SNX29: variants seen among roughly 807,000 people sequenced by gnomAD.
SNX29 encodes sorting nexin-29.
SNX29 carries 78 observed loss-of-function variants against 102.1 expected under a neutral mutation model. The ratio of observed to expected loss-of-function variants is 0.76; its 90% confidence interval spans 0.64 to 0.92. The LOEUF is 0.92. SNX29 is among the 40% of genes least tolerant of loss of function. SNX29 has a pLI of 0.00. For missense variants in SNX29, 1,280 were observed against 1,061.7 expected (o/e 1.21, Z -2.86); for synonymous variants, 580 against 414.5 (o/e 1.40, Z -4.85).
chr16:12,121,090 A>T (rs1431286652), intron 11 of SNX29, among the ~76,000 whole-genome samples: 1 of 152,008 alleles, frequency 6.6e-6, no homozygotes, highest in African/African-American at 2.4e-5. Context: ...TACGCATCTT[A>T]CCTTTGATCA....
At chr16:12,544,420 G>A (rs546231225) in intron 20 of SNX29, among the ~76,000 whole-genome samples, 8 of 152,188 alleles carry the variant, frequency 5.3e-5, no homozygotes, top group Admixed American at 4.6e-4. Flanking sequence ...ATGTCAGCTG[G>A]TGGGATTTGG....
intron 18 of SNX29, among the ~76,000 whole-genome samples, chr16:12,447,801 G>A (rs1425323278): frequency 6.6e-6 from 1 of 152,186 alleles, no homozygotes; most frequent in Non-Finnish European, 1.5e-5. Flanking sequence ...ACAAAAGCGG[G>A]AACAGCCCCA....
intron 3 of SNX29, among the ~76,000 whole-genome samples, chr16:12,017,396 TGA>T: frequency 6.6e-6 from 1 of 152,352 alleles, no homozygotes; most frequent in South Asian, 2.1e-4. Flanking sequence ...TTTTATTTTT[TGA>T]GTTGCTTGTC....
intron 15 of SNX29, among the ~76,000 whole-genome samples, chr16:12,330,717 C>T (rs1413543414): frequency 6.6e-6 from 1 of 152,200 alleles, no homozygotes; most frequent in African/African-American, 2.4e-5. Context: ...TGGCAGGTTT[C>T]AGGGCTGAGG....
At chr16:12,540,252 C>T (rs1441664351) in intron 20 of SNX29, among the ~76,000 whole-genome samples, 2 of 152,154 alleles carry the variant, frequency 1.3e-5, no homozygotes, top group Admixed American at 6.5e-5. Flanking sequence ...CCCCCACCCC[C>T]AGCGTAAGGT....
At chr16:12,308,588 G>C (rs2080424632) in intron 15 of SNX29, among the ~76,000 whole-genome samples, 1 of 152,140 alleles carries the variant, frequency 6.6e-6, no homozygotes, top group Non-Finnish European at 1.5e-5. Context: ...CCGTGTGCTA[G>C]TCACGGCTTC....
chr16:12,555,479 G>A (rs181617356), intron 20 of SNX29, among the ~76,000 whole-genome samples: 311 of 151,684 alleles, frequency 2.1e-3, no homozygotes, highest in Admixed American at 3.5e-3. Flanking sequence ...GTCTGAGGAC[G>A]TCTTTCGTTG....
intron 18 of SNX29, among the ~76,000 whole-genome samples, chr16:12,476,427 T>TATATAC (rs1357230739): frequency 1.2e-5 from 1 of 85,444 alleles, no homozygotes; most frequent in African/African-American, 4.5e-5. Flanking sequence ...TATATATATA[T>TATATAC]ATATATATAT....
At chr16:12,489,931 G>C (rs887897434) in intron 19 of SNX29, among the ~76,000 whole-genome samples, 2 of 152,032 alleles carry the variant, frequency 1.3e-5, no homozygotes, top group African/African-American at 4.8e-5. Flanking sequence ...TCAGCCTCCT[G>C]AGTAGCTGGG....
At position 12,401,359 on chromosome 16, in the gene SNX29, A is replaced by ATTTT. The variant is rs35886680; in HGVS notation, c.1956-2069_1956-2066dup. Reference sequence around the variant, plus strand: ...TCTTCCTTGACCACAATAGAGTTAAATTTTTTTTTTTTTTTTTTTTTTTGA... The same window carrying ATTTT: ...TCTTCCTTGACCACAATAGAGTTAAATTTTTTTTTTTTTTTTTTTTTTTTTTTGA... On this transcript the variant is annotated intron_variant, in intron 17 of 20. Transcript: ENST00000566228. 4.7e-3 allele frequency among the ~76,000 whole-genome samples: 475 copies of ATTTT among 101,478 alleles called. 20 individuals carry two copies. Among genetic ancestry groups the ATTTT allele is most frequent in the African/African-American group, 0.014 (378 of 27,066 alleles). 66.6% of individuals were successfully genotyped at this position (101,478 alleles called of 152,430 possible).
intron 18 of SNX29, among the ~76,000 whole-genome samples, chr16:12,460,848 A>G (rs1368124059): frequency 2.0e-5 from 3 of 152,010 alleles, no homozygotes; most frequent in African/African-American, 7.2e-5. Context: ...TTTAGTAGAG[A>G]GAATTTCGCC....
At chr16:12,525,791 C>T (rs1463021350) in intron 20 of SNX29, among the ~76,000 whole-genome samples, 1 of 148,962 alleles carries the variant, frequency 6.7e-6, no homozygotes, top group Non-Finnish European at 1.5e-5. Context: ...CTAATCTTGG[C>T]TCGAAATGTC....
At chr16:12,481,892 A>G (rs998956032) in intron 19 of SNX29, among the ~76,000 whole-genome samples, 13 of 152,188 alleles carry the variant, frequency 8.5e-5, no homozygotes, top group Non-Finnish European at 1.6e-4. Context: ...CATTTGGCTA[A>G]GACATACCCA....
chr16:12,471,732 A>G (rs60426972), intron 18 of SNX29, among the ~76,000 whole-genome samples: 26,034 of 152,280 alleles, frequency 0.17, 3,206 homozygotes, highest in African/African-American at 0.35. Context: ...TTAACATAAA[A>G]TACAATCAGG....
At position 12,140,336 on chromosome 16, in the gene SNX29, C is replaced by T. The variant is rs114996442; in HGVS notation, c.1595+10578C>T. 8.0e-3 allele frequency among the ~76,000 whole-genome samples: 1,225 copies of T among 152,308 alleles called. 17 individuals carry two copies. The highest frequency in any genetic ancestry group is 0.028 in the African/African-American group (1,167 of 41,562). ...AGGAGAAGACTTTTTTCCAGTAGCT[C>T]TGGAGAAGTCTTGGGATTCACTCTC... is the stretch of plus-strand genomic sequence containing the variant. On this transcript the variant is annotated intron_variant, in intron 13 of 20. Transcript: ENST00000566228.
Position 12,569,671 on chromosome 16 carries a change from T to G in SNX29, c.*1042T>G, listed in dbSNP as rs1010304068. 9 of 229,826 alleles carry G rather than the reference T, an allele frequency of 3.9e-5. No homozygotes were observed. The highest frequency in any genetic ancestry group is 1.8e-4 in the African/African-American group (8 of 45,116). The allele number at this position is 229,826 out of a possible 1,614,324, so 14.2% of individuals were successfully genotyped here. ...CTCTGTTCCTCCCATGTCAGGTGGCTCTCAGAGTACAGGGACCTTGGCAGG... is the reference window on the plus strand; with the variant it reads ...CTCTGTTCCTCCCATGTCAGGTGGCGCTCAGAGTACAGGGACCTTGGCAGG... On this transcript the variant is annotated 3_prime_UTR_variant, in exon 21 of 21. Coordinates refer to ENST00000566228, the MANE Select transcript of SNX29 (RefSeq NM_032167.5).
intron 18 of SNX29, among the ~76,000 whole-genome samples, chr16:12,461,229 T>C (rs891114269): frequency 1.3e-5 from 2 of 152,194 alleles, no homozygotes; most frequent in Admixed American, 1.3e-4. Context: ...CTCAGCTCAG[T>C]ATCTCTCCTT....
intron 14 of SNX29, among the ~76,000 whole-genome samples, chr16:12,263,009 G>A (rs2078824720): frequency 6.6e-6 from 1 of 152,222 alleles, no homozygotes; most frequent in Admixed American, 6.5e-5. Context: ...TGGGAAGCCA[G>A]ATGAACTGGA....
At chr16:12,358,007 A>G (rs2082190086) in intron 16 of SNX29, among the ~76,000 whole-genome samples, 1 of 152,204 alleles carries the variant, frequency 6.6e-6, no homozygotes, top group Admixed American at 6.5e-5. Flanking sequence ...GTTTTCTGTC[A>G]GGAGATGCCT....
Sources: gnomAD v4.1 joint callset for allele counts (sites outside exome capture counted in the v4.1 genomes callset) on GRCh38, gnomAD v4.1.1 for gene constraint, MANE v1.5 for transcripts, NCBI Gene and HGNC (gene_info 2026-07-23, HGNC 2026-07-21) for gene names.